Variants in TRAF4 observed in about 807,000 individuals in gnomAD.
TRAF4 encodes the protein TNF receptor associated factor 4.
In TRAF4, 9 loss-of-function variants were observed where a neutral mutation model predicts 47.3. The observed-to-expected ratio is 0.19, with a 90% CI of 0.11 to 0.33. The LOEUF is 0.33. Ranked by LOEUF, TRAF4 falls within the 10% of genes least tolerant of loss-of-function variation. The probability of loss-of-function intolerance (pLI) is 1.00; values close to 1 mark genes in which losing one functional copy is unlikely to be tolerated. For synonymous variants in TRAF4, 236 were observed against 236.9 expected (o/e 1.00, Z 0.04); for missense variants, 448 against 620.3 (o/e 0.72, Z 2.95).
At chr17:28,747,556 T>C (rs1037614936) in intron 2 of TRAF4, 23 of 581,970 alleles carry the variant, frequency 4.0e-5, no homozygotes, top group Non-Finnish European at 6.1e-6. Context: ...TGAGGGCCAG[T>C]ATCCCTCCAC....
rs555188204 is a variant in TRAF4, at chr17:28,750,393, T to C, written c.*816T>C. 6.3e-6 allele frequency: 1 copy of C among 157,756 alleles called. No homozygotes were observed. The highest frequency in any genetic ancestry group is 6.3e-5 in the Admixed American group (1 of 15,914). The allele number at this position is 157,756 out of a possible 1,614,324, so 9.8% of individuals were successfully genotyped here. A position where few individuals can be genotyped will look rare whatever the true frequency, so the allele number is the denominator to read the frequency against. On this transcript the variant is annotated 3_prime_UTR_variant, in exon 7 of 7. Coordinates refer to ENST00000262395, the MANE Select transcript of TRAF4 (RefSeq NM_004295.4). ...CCTAGGCAGGGCTTTCTTGGTCTAA[T>C]GGTAATAAGCACCGACACTGCTAAG...
chr17:28,748,833 C>T, intron 6 of TRAF4, 112 bp from the exon 7 acceptor site: 1 of 1,481,142 alleles, frequency 6.8e-7, no homozygotes, highest in African/African-American at 1.4e-5. Flanking sequence ...CTCTGTCTTC[C>T]TCACGTAGAG....
Position 28,747,882 on chromosome 17 carries a change from C to A in TRAF4, c.235C>A (p.Leu79Met), listed in dbSNP as rs1414942118. ...GGAGCTGGAAGTACAAGTATTGGGC[C>A]TGCCTATCCGCTGCATCCACAGTGA... ...DPELEVQVLG[L>M]PIRCIHSEEG... is the part of the protein sequence containing the mutation. The change falls in exon 3 of 7, where the codon CTG (leucine) becomes ATG (methionine). Residue 79 changes from leucine to methionine, a missense_variant. By Grantham distance (15) the Leu-to-Met change is conservative. Coordinates refer to ENST00000262395, the MANE Select transcript of TRAF4 (RefSeq NM_004295.4). 3 of 1,613,868 alleles carry A rather than the reference C, an allele frequency of 1.9e-6. No homozygotes were observed.
At chr17:28,746,261 G>C (rs1194434886) in intron 1 of TRAF4, among the ~76,000 whole-genome samples, 1 of 152,236 alleles carries the variant, frequency 6.6e-6, no homozygotes, top group African/African-American at 2.4e-5. Context: ...GTCCTGCTGG[G>C]TGAGCCATTG....
rs35100992 is a variant in TRAF4 at position 28,749,418 on chromosome 17, G to C, written c.1254G>C (p.Gln418His). The C allele has an allele frequency of 6.2e-7, 1 of 1,614,010 alleles. No individual in the cohort carries two copies. Among genetic ancestry groups the C allele is most frequent in the Non-Finnish European group, 8.5e-7 (1 of 1,180,024 alleles). The stretch of plus-strand genomic sequence containing the variant: ...CCGACCCAAACTGGAAGAATTTCCA[G>C]AAGCCAGGCACGTGGCGGGGCTCCC... The part of the protein sequence containing the change: ...FHPDPNWKNF[Q>H]KPGTWRGSLD... Residue 418 changes from glutamine (Q) to histidine (H), a missense_variant, in exon 7 of 7, where the codon CAG becomes CAC. By Grantham distance (24) the Gln-to-His change is conservative. Transcript: ENST00000262395.
At position 28,749,029 on chromosome 17, in the gene TRAF4, C is replaced by T. The variant is rs367635342; in HGVS notation, c.865C>T (p.Arg289Trp). The change falls in exon 7 of 7, where the codon CGG becomes TGG. Residue 289 changes from arginine to tryptophan, a missense_variant. Transcript: ENST00000262395. ...AMMCALVSRQ[R>W]QELQELRREL... ...GATGTGTGCCCTGGTGAGCCGGCAA[C>T]GGCAGGAGCTGCAGGAGCTTCGGCG... 14 of 1,613,692 alleles carry T rather than the reference C, an allele frequency of 8.7e-6. No homozygotes were observed. The African/African-American group carries it at 1.2e-4, about 14-fold the overall frequency.
At chr17:28,744,379 GC>G (rs1210078443) in intron 1 of TRAF4, 124 bp downstream of exon 1, 2 of 1,126,722 alleles carry the variant, frequency 1.8e-6, no homozygotes, top group Non-Finnish European at 2.4e-6. Context: ...CCTCAGGGGC[GC>G]CCCGTGACGT....
rs112254662 is a variant in TRAF4, at chr17:28,748,063, G to A, written c.347G>A (p.Arg116His). Reference protein sequence around the residue: ...CSFNVIPCPNRCPMKLSRRDL... With the variant: ...CSFNVIPCPNHCPMKLSRRDL... ...TTCAATGTCATTCCCTGCCCTAATC[G>A]CTGCCCCATGAAGCTGAGCCGCCGT... The change falls in exon 4 of 7, where the codon CGC becomes CAC. Residue 116 changes from arginine (R) to histidine (H), a missense_variant. By Grantham distance (29) the Arg-to-His change is conservative. Transcript: ENST00000262395. 5 of 1,613,994 alleles carry A rather than the reference G, an allele frequency of 3.1e-6. No individual in the cohort carries two copies. The African/African-American group carries it at 4.0e-5, about 13-fold the overall frequency.
chr17:28,745,152 G>C (rs1485593508), intron 1 of TRAF4: 1 of 152,462 alleles, frequency 6.6e-6, no homozygotes, highest in East Asian at 1.9e-4. Flanking sequence ...CTGGGACGAG[G>C]GGATCGAGGG....
In TRAF4 at chr17:28,744,048, G is replaced by A. The variant is rs1266638985; in HGVS notation, c.-65G>A. 1.8e-6 allele frequency: 2 copies of A among 1,105,884 alleles called. No homozygotes were observed. The highest frequency in any genetic ancestry group is 2.2e-6 in the Non-Finnish European group (2 of 909,478). The allele number at this position is 1,105,884 out of a possible 1,614,324, so 68.5% of individuals were successfully genotyped here. ...CCGGAGCCGGGAGCGCCGCTCCAGC[G>A]AGGCGCGGGCTGTGGGGCCGCCGCG... On this transcript the variant is annotated 5_prime_UTR_variant, in exon 1 of 7. Transcript: ENST00000262395.
intron 2 of TRAF4, chr17:28,747,500 G>A (rs977087482): frequency 6.9e-6 from 4 of 582,954 alleles, no homozygotes; most frequent in Non-Finnish European, 1.2e-5. Context: ...CTCTGTGCCC[G>A]CAAGAAGTGT....
Position 28,749,581 on chromosome 17 carries a change from C to T in TRAF4, c.*4C>T, listed in dbSNP as rs763865696. Reference sequence around the variant, plus strand: ...GCCCCGGAAGATCCTCAGCTGAGTGCAGGTGGGGTTCGAGGGGAAAGGACG... The same window carrying T: ...GCCCCGGAAGATCCTCAGCTGAGTGTAGGTGGGGTTCGAGGGGAAAGGACG... On this transcript the variant is annotated 3_prime_UTR_variant, in exon 7 of 7. Coordinates refer to ENST00000262395, the MANE Select transcript of TRAF4 (RefSeq NM_004295.4). 7 of 1,607,654 alleles carry T rather than the reference C, an allele frequency of 4.4e-6. No homozygotes were observed. In the South Asian group the frequency reaches 5.5e-5, roughly 13 times the overall value.
chr17:28,749,580 G>T lies in TRAF4; in HGVS notation c.*3G>T. 6.2e-7 allele frequency: 1 copy of T among 1,608,410 alleles called. No individual in the cohort carries two copies. The highest frequency in any genetic ancestry group is 8.5e-7 in the Non-Finnish European group (1 of 1,176,622). ...TGCCCCGGAAGATCCTCAGCTGAGT[G>T]CAGGTGGGGTTCGAGGGGAAAGGAC... is the stretch of plus-strand genomic sequence containing the variant. On this transcript the variant is annotated 3_prime_UTR_variant, in exon 7 of 7. Transcript: ENST00000262395.
intron 1 of TRAF4, 38 bp from the exon 2 acceptor site, chr17:28,747,174 CT>C (rs1567766275): frequency 2.5e-6 from 4 of 1,605,810 alleles, no homozygotes; most frequent in Non-Finnish European, 2.6e-6. Context: ...TCCCTTTCCC[CT>C]AATGAGAAAC....
Position 28,748,294 on chromosome 17 carries a change from C to G in TRAF4, c.495C>G (p.Val165=), listed in dbSNP as rs969851064. 1 of 1,613,842 alleles carries G rather than the reference C, an allele frequency of 6.2e-7. No individual in the cohort carries two copies. Among genetic ancestry groups the G allele is most frequent in the African/African-American group, 1.3e-5 (1 of 75,016 alleles). ...AGGGTATGTGCCCCCAGGAGAGTGT[C>G]TACTGTGAGAATAAGTGTGGTGCCC... The part of the protein sequence containing the change: ...SHEGMCPQES[V]YCENKCGARM... The change falls in exon 5 of 7, where the codon GTC becomes GTG. Residue 165 remains valine (V), a synonymous_variant. Coordinates refer to ENST00000262395, the MANE Select transcript of TRAF4 (RefSeq NM_004295.4).
Position 28,749,658 on chromosome 17 carries a change from C to T in TRAF4, c.*81C>T. 18 of 1,574,886 alleles carry T rather than the reference C, an allele frequency of 1.1e-5. No individual in the cohort carries two copies. Among genetic ancestry groups the T allele is most frequent in the Non-Finnish European group, 1.6e-5 (18 of 1,160,150 alleles). The stretch of plus-strand genomic sequence containing the variant: ...GGCTGAACTTGGAGAGGGGGCCGGA[C>T]CCCCGTCAGCTGCTTCTGCTGCCTA... On this transcript the variant is annotated 3_prime_UTR_variant, in exon 7 of 7. Coordinates refer to ENST00000262395, the MANE Select transcript of TRAF4 (RefSeq NM_004295.4).
At chr17:28,746,374 G>C (rs760107747) in intron 1 of TRAF4, among the ~76,000 whole-genome samples, 1 of 152,224 alleles carries the variant, frequency 6.6e-6, no homozygotes, top group African/African-American at 2.4e-5. Flanking sequence ...GGGTGCTGAC[G>C]GCCAGGTAGG....
chr17:28,749,700 C>T lies in TRAF4; in HGVS notation c.*123C>T, dbSNP rs917357114. ...TGCTGCCTAGGTTCTGTTACCCCATCCTCCCTCCCCCAGCCACCACCCTCA... is the reference window on the plus strand; with the variant it reads ...TGCTGCCTAGGTTCTGTTACCCCATTCTCCCTCCCCCAGCCACCACCCTCA... On this transcript the variant is annotated 3_prime_UTR_variant, in exon 7 of 7. Transcript: ENST00000262395. 3.4e-6 allele frequency: 5 copies of T among 1,479,676 alleles called. No homozygotes were observed. Among genetic ancestry groups the T allele is most frequent in the Admixed American group, 2.0e-5 (1 of 50,910 alleles). 91.7% of individuals were successfully genotyped at this position (1,479,676 alleles called of 1,614,324 possible). A position where few individuals can be genotyped will look rare whatever the true frequency, so the allele number is the denominator to read the frequency against.
At chr17:28,747,755 G>A in intron 2 of TRAF4, 88 bp from the exon 3 acceptor site, 2 of 1,321,364 alleles carry the variant, frequency 1.5e-6, no homozygotes, top group Admixed American at 2.0e-5. Flanking sequence ...AGGCTCCAAG[G>A]TAGAGCCAGC....
Sources: allele counts gnomAD v4.1 joint callset (sites outside exome capture counted in the v4.1 genomes callset), GRCh38; gene constraint gnomAD v4.1.1; transcripts MANE v1.5; gene names NCBI Gene and HGNC (gene_info 2026-07-23, HGNC 2026-07-21).